Variants in FHIT observed in about 807,000 individuals in gnomAD.
FHIT encodes fragile histidine triad diadenosine triphosphatase.
Under a neutral mutation model 17.9 loss-of-function variants are expected in FHIT, and 19 were observed. The ratio of observed to expected loss-of-function variants is 1.06; its 90% CI spans 0.74 to 1.56. The LOEUF is 1.56. Among genes scored for constraint, FHIT ranks in the 40% most tolerant of loss-of-function variants. The pLI is 0.00. For missense variants in FHIT, 248 were observed against 189.2 expected, an observed-to-expected ratio of 1.31 and a Z score of -1.82; for synonymous variants, 81 against 69.7, an observed-to-expected ratio of 1.16 and a Z score of -0.81.
At chr3:60,842,645 ATTT>A (rs1170383044) in intron 3 of FHIT, among the ~76,000 whole-genome samples, 39 of 94,572 alleles carry the variant, frequency 4.1e-4, no homozygotes, top group African/African-American at 1.2e-3. Context: ...ATATATATAT[ATTT>A]TTTTTTTTTT....
At chr3:60,481,388 T>G (rs1159115789) in intron 5 of FHIT, among the ~76,000 whole-genome samples, 1 of 151,350 alleles carries the variant, frequency 6.6e-6, no homozygotes, top group South Asian at 2.1e-4. Flanking sequence ...TTCTCCAAGG[T>G]TGAAATGAAG....
chr3:60,515,837 G>A (rs116444942), intron 5 of FHIT, among the ~76,000 whole-genome samples: 1,841 of 152,252 alleles, frequency 0.012, 41 homozygotes, highest in African/African-American at 0.042. Flanking sequence ...GGAAATCTAG[G>A]TTAAGTAATT....
At chr3:60,560,844 C>CACACACACACAGAG (rs139684970) in intron 4 of FHIT, among the ~76,000 whole-genome samples, 1 of 122,262 alleles carries the variant, frequency 8.2e-6, no homozygotes, top group Non-Finnish European at 1.7e-5. Context: ...CACACACACA[C>CACACACACACAGAG]AGAGAGAGAG....
At chr3:59,855,942 G>A (rs1289717113) in intron 8 of FHIT, among the ~76,000 whole-genome samples, 2 of 97,504 alleles carry the variant, frequency 2.1e-5, no homozygotes, top group South Asian at 3.1e-4. Flanking sequence ...CACCACGCCC[G>A]GCTAATTTTT....
chr3:60,635,028 G>A (rs916823703), intron 4 of FHIT, among the ~76,000 whole-genome samples: 5 of 151,992 alleles, frequency 3.3e-5, no homozygotes, highest in East Asian at 1.9e-4. Context: ...GCCCCACTGC[G>A]CCCAGCCTAT....
intron 5 of FHIT, among the ~76,000 whole-genome samples, chr3:60,112,761 G>C (rs904062882): frequency 6.6e-6 from 1 of 152,158 alleles, no homozygotes; most frequent in Non-Finnish European, 1.5e-5. Flanking sequence ...AGCTTCCTGG[G>C]TGAGTCTTTA....
At chr3:59,878,683 A>T (rs1703270037) in intron 8 of FHIT, among the ~76,000 whole-genome samples, 1 of 152,208 alleles carries the variant, frequency 6.6e-6, no homozygotes, top group South Asian at 2.1e-4. Context: ...ATATAAAGAC[A>T]TTATTAACTG....
chr3:60,258,661 T>C (rs1285216595), intron 5 of FHIT, among the ~76,000 whole-genome samples: 1 of 152,124 alleles, frequency 6.6e-6, no homozygotes, highest in Non-Finnish European at 1.5e-5. Flanking sequence ...GGAAAAAGCA[T>C]ATAAATCTAT....
intron 2 of FHIT, among the ~76,000 whole-genome samples, chr3:61,042,411 C>T (rs2033562656): frequency 6.6e-6 from 1 of 152,046 alleles, no homozygotes; most frequent in Admixed American, 6.6e-5. Context: ...CAGTATGGAA[C>T]CTCGGAGGTA....
chr3:59,793,552 C>A (rs1219040699), intron 8 of FHIT, among the ~76,000 whole-genome samples: 1 of 152,088 alleles, frequency 6.6e-6, no homozygotes, highest in Non-Finnish European at 1.5e-5. Flanking sequence ...AAACTCAAAC[C>A]TTCCCCCTCT....
intron 8 of FHIT, among the ~76,000 whole-genome samples, chr3:59,756,117 T>C (rs1395113560): frequency 6.6e-6 from 1 of 152,194 alleles, no homozygotes; most frequent in African/African-American, 2.4e-5. Flanking sequence ...ACTGACCTAA[T>C]GACAGCGAGC....
intron 5 of FHIT, among the ~76,000 whole-genome samples, chr3:60,044,616 C>T (rs1701576323): frequency 6.6e-6 from 1 of 152,134 alleles, no homozygotes; most frequent in Non-Finnish European, 1.5e-5. Context: ...AATTGATCTA[C>T]CAGACAAAAC....
intron 7 of FHIT, among the ~76,000 whole-genome samples, chr3:59,948,348 C>CA (rs35941668): frequency 0.1 from 11,788 of 116,286 alleles, 656 homozygotes; most frequent in African/African-American, 0.17. Context: ...ACTAAAAATA[C>CA]AAAAAAAAAA....
intron 4 of FHIT, among the ~76,000 whole-genome samples, chr3:60,662,481 C>G (rs1280392787): frequency 6.6e-6 from 1 of 152,078 alleles, no homozygotes; most frequent in East Asian, 1.9e-4. Context: ...TGAGATGCCT[C>G]CAGATTTGTT....
At chr3:60,453,369 G>A (rs1576680206) in intron 5 of FHIT, among the ~76,000 whole-genome samples, 1 of 152,090 alleles carries the variant, frequency 6.6e-6, no homozygotes, top group Non-Finnish European at 1.5e-5. Flanking sequence ...GCTCTTAAAG[G>A]CGAGGTAACA....
At chr3:60,180,014 A>G (rs903616124) in intron 5 of FHIT, among the ~76,000 whole-genome samples, 10 of 152,150 alleles carry the variant, frequency 6.6e-5, no homozygotes, top group Non-Finnish European at 1.2e-4. Flanking sequence ...TATGTAATAT[A>G]TTTATGTAAT....
intron 5 of FHIT, among the ~76,000 whole-genome samples, chr3:60,160,481 A>C (rs1234284022): frequency 3.9e-5 from 6 of 152,134 alleles, no homozygotes; most frequent in African/African-American, 1.4e-4. Flanking sequence ...TGTTGTTCTA[A>C]TGTTGCCAAG....
chr3:60,360,690 GTTCT>G (rs774757321), intron 5 of FHIT, among the ~76,000 whole-genome samples: 1 of 152,116 alleles, frequency 6.6e-6, no homozygotes, highest in Non-Finnish European at 1.5e-5. Context: ...TAATAAACCT[GTTCT>G]TTAATTCAAA....
intron 4 of FHIT, among the ~76,000 whole-genome samples, chr3:60,646,882 G>A (rs989332465): frequency 2.6e-5 from 4 of 152,184 alleles, no homozygotes; most frequent in Admixed American, 2.6e-4. Context: ...GAAAAGAAGA[G>A]AAAATGTGGA....
Sources: allele counts gnomAD v4.1 joint callset (sites outside exome capture counted in the v4.1 genomes callset), GRCh38; gene constraint gnomAD v4.1.1; transcripts MANE v1.5; gene names NCBI Gene and HGNC (gene_info 2026-07-23, HGNC 2026-07-21).